Variants in BCL3 observed in about 807,000 individuals in gnomAD.
BCL3 encodes BCL3 transcription coactivator.
A neutral mutation model predicts 35.7 loss-of-function variants in BCL3; 15 were observed. That is an observed-to-expected ratio of 0.42 (90% CI 0.28 to 0.65). The LOEUF (loss-of-function observed/expected upper bound fraction) is 0.65, where lower values mean the gene tolerates loss of function less well. Ranked by LOEUF, BCL3 falls within the 30% of genes least tolerant of loss-of-function variation. The pLI, the probability that BCL3 is intolerant of heterozygous loss-of-function variation, is 0.22. For missense variants in BCL3, 565 were observed against 641.7 expected, an observed-to-expected ratio of 0.88 and a Z score of 1.29; for synonymous variants, 311 against 284.3, an observed-to-expected ratio of 1.09 and a Z score of -0.95.
At position 44,756,332 on chromosome 19, in the gene BCL3, C is replaced by A; in HGVS notation, c.511C>A (p.Leu171Ile). 2 of 1,509,836 alleles carry A rather than the reference C, an allele frequency of 1.3e-6. No homozygotes were observed. The highest frequency in any genetic ancestry group is 1.8e-6 in the Non-Finnish European group (2 of 1,123,182). The allele number at this position is 1,509,836 out of a possible 1,614,324, so 93.5% of individuals were successfully genotyped here. The change falls in exon 3 of 9, where the codon CTA (leucine) becomes ATA (isoleucine). Residue 171 changes from leucine (L) to isoleucine (I), a missense_variant. By Grantham distance (5) the Leu-to-Ile change is conservative. This residue lies in a region of BCL3 where 267 missense variants were observed against 281.5 expected (regional missense o/e 0.95). Coordinates refer to ENST00000164227, the MANE Select transcript of BCL3 (RefSeq NM_005178.5). ...GGRELDIYNN[L>I]RQTPLHLAVI... ...CCGGGAGCTCGACATCTACAACAACCTACGGCAGGTGAGGCTCGGTCTGAG... is the reference window on the plus strand; with the variant it reads ...CCGGGAGCTCGACATCTACAACAACATACGGCAGGTGAGGCTCGGTCTGAG...
chr19:44,748,005 A>G (rs1599835132), upstream of BCL3: 1 of 1,287,726 alleles, frequency 7.8e-7, no homozygotes, highest in South Asian at 1.3e-5. Flanking sequence ...GGAAGAGGGG[A>G]GGGAGAGGAA....
Position 44,757,065 on chromosome 19 carries a change from C to T in BCL3, c.568C>T (p.Leu190Phe). 2 of 1,611,038 alleles carry T rather than the reference C, an allele frequency of 1.2e-6. No homozygotes were observed. Among genetic ancestry groups the T allele is most frequent in the East Asian group, 2.2e-5 (1 of 44,722 alleles). The change falls in exon 4 of 9, where the codon CTC becomes TTC. Residue 190 changes from leucine to phenylalanine, a missense_variant. Transcript: ENST00000164227. The surrounding 1 kb of genome is among the most constrained non-coding windows in gnomAD (Gnocchi z 8.4). ...CACCACATTACCGTCTGTGGTCCGG[C>T]TCCTGGTGACAGCTGGTGCCAGCCC... The part of the protein sequence containing the change: ...VITTLPSVVR[L>F]LVTAGASPMA...
At chr19:44,750,465 A>C (rs561236333) in intron 1 of BCL3, among the ~76,000 whole-genome samples, 5 of 151,914 alleles carry the variant, frequency 3.3e-5, no homozygotes, top group Non-Finnish European at 7.4e-5. Flanking sequence ...CACCTGGCTA[A>C]TTTTTGTATT....
Position 44,751,235 on chromosome 19 carries a change from C to T in BCL3, c.265C>T (p.Leu89=). The T allele has an allele frequency of 6.2e-7, 1 of 1,610,262 alleles. No individual in the cohort carries two copies. The highest frequency in any genetic ancestry group is 8.5e-7 in the Non-Finnish European group (1 of 1,178,488). Residue 89 remains leucine, a synonymous_variant, in exon 2 of 9, where the codon CTG becomes TTG. Coordinates refer to ENST00000164227, the MANE Select transcript of BCL3 (RefSeq NM_005178.5). ...TGTCCTCCATTGTCCAGGAGCCTTA[C>T]TGCCTTTGTACCCCACTCGGGCCAT... The part of the protein sequence containing the change: ...PEALYYPGAL[L]PLYPTRAMGS...
chr19:44,758,979 T>G, intron 8 of BCL3, 138 bp downstream of exon 8: 5 of 602,226 alleles, frequency 8.3e-6, no homozygotes, highest in Non-Finnish European at 1.3e-5. Flanking sequence ...TCCCAACCCA[T>G]AGCCCCTCCT....
chr19:44,755,990 G>A (rs1967272299), intron 2 of BCL3, among the ~76,000 whole-genome samples: 1 of 152,200 alleles, frequency 6.6e-6, no homozygotes, highest in Non-Finnish European at 1.5e-5. Flanking sequence ...TAGAGCATAG[G>A]TGGAAGCAGA....
At chr19:44,752,987 T>C (rs1333017855) in intron 2 of BCL3, among the ~76,000 whole-genome samples, 2 of 152,216 alleles carry the variant, frequency 1.3e-5, no homozygotes, top group Non-Finnish European at 2.9e-5. Context: ...AGTGATTTCA[T>C]GTCCCTGAGT....
chr19:44,750,317 AG>A (rs944617672), intron 1 of BCL3, among the ~76,000 whole-genome samples: 1 of 151,660 alleles, frequency 6.6e-6, no homozygotes, highest in African/African-American at 2.4e-5. Flanking sequence ...TTTTTGAGAC[AG>A]AGTTTTGTTT....
chr19:44,757,470 T>TTG lies in BCL3; in HGVS notation c.813+55_813+56insTG. The TTG allele has an allele frequency of 1.5e-5, 4 of 267,764 alleles. No individual in the cohort carries two copies. The highest frequency in any genetic ancestry group is 2.4e-5 in the Non-Finnish European group (4 of 169,208). 16.6% of individuals were successfully genotyped at this position (267,764 alleles called of 1,614,324 possible). A position where few individuals can be genotyped will look rare whatever the true frequency, so the allele number is the denominator to read the frequency against. On this transcript the variant is annotated intron_variant, in intron 5 of 8. Coordinates refer to ENST00000164227, the MANE Select transcript of BCL3 (RefSeq NM_005178.5). This position sits in a 1 kb window ranked among gnomAD's most constrained non-coding sequence, Gnocchi z 8.4. ...CGGGGCCTTAGCAGGGGCGGGGTCT[T>TTG]GGCGGGGGCGGGGCCAGTGTGGGGC...
chr19:44,757,684 G>A lies in BCL3; in HGVS notation c.852G>A (p.Val284=). 2 of 1,613,886 alleles carry A rather than the reference G, an allele frequency of 1.2e-6. No individual in the cohort carries two copies. The highest frequency in any genetic ancestry group is 8.5e-7 in the Non-Finnish European group (1 of 1,179,914). ...KSGRSPLIHA[V]ENNSLSMVQL... ...GCCGCTCCCCGCTCATCCACGCCGTGGAAAACAACAGCCTTAGCATGGTGC... is the reference window on the plus strand; with the variant it reads ...GCCGCTCCCCGCTCATCCACGCCGTAGAAAACAACAGCCTTAGCATGGTGC... The change falls in exon 6 of 9, where the codon GTG becomes GTA. Residue 284 remains valine, a synonymous_variant. Transcript: ENST00000164227. This position sits in a 1 kb window ranked among gnomAD's most constrained non-coding sequence, Gnocchi z 8.4.
chr19:44,758,317 C>T lies in BCL3; in HGVS notation c.963C>T (p.Leu321=), dbSNP rs1223706136. The change falls in exon 7 of 9, where the codon CTC becomes CTT. Residue 321 remains leucine (L), a synonymous_variant. Coordinates refer to ENST00000164227, the MANE Select transcript of BCL3 (RefSeq NM_005178.5). The stretch of plus-strand genomic sequence containing the variant: ...TGCACTCAGCGTCCGGCCGCGGGCT[C>T]CTCCCGCTGGTGCGCACGCTGGTCC... ...SALHSASGRG[L]LPLVRTLVRS... 1 of 1,574,052 alleles carries T rather than the reference C, an allele frequency of 6.4e-7. No homozygotes were observed. Among genetic ancestry groups the T allele is most frequent in the Non-Finnish European group, 8.6e-7 (1 of 1,168,292 alleles).
At chr19:44,756,414 AACTCCTGG>A (rs1967282956) in intron 3 of BCL3, 74 bp downstream of exon 3, 1 of 1,076,106 alleles carries the variant, frequency 9.3e-7, no homozygotes, top group African/African-American at 1.9e-5. Flanking sequence ...TGGGGGCCTG[AACTCCTGG>A]GTCTGAGGGA....
intron 3 of BCL3, 151 bp from the exon 4 acceptor site, chr19:44,756,866 G>A: frequency 2.8e-6 from 2 of 726,278 alleles, no homozygotes; most frequent in South Asian, 2.0e-5. Context: ...GGAGCATGGG[G>A]CCCGGACTCT....
chr19:44,758,326 G>T lies in BCL3; in HGVS notation c.972G>T (p.Leu324=). 6.4e-7 allele frequency: 1 copy of T among 1,573,356 alleles called. No homozygotes were observed. Among genetic ancestry groups the T allele is most frequent in the Non-Finnish European group, 8.6e-7 (1 of 1,166,904 alleles). Reference sequence around the variant, plus strand: ...CGTCCGGCCGCGGGCTCCTCCCGCTGGTGCGCACGCTGGTCCGCAGCGGCG... The same window carrying T: ...CGTCCGGCCGCGGGCTCCTCCCGCTTGTGCGCACGCTGGTCCGCAGCGGCG... ...HSASGRGLLP[L]VRTLVRSGAD... is the part of the protein sequence containing the mutation. The change falls in exon 7 of 9, where the codon CTG becomes CTT. Residue 324 remains leucine (L), a synonymous_variant. Transcript: ENST00000164227.
In BCL3 at chr19:44,748,982, C is replaced by G; in HGVS notation, c.192C>G (p.Cys64Trp). ...VVPLDPLRGG[C>W]DLPAVPGPPH... ...CCCTGGACCCTCTGCGCGGCGGCTG[C>G]GACCTGCCGGCGGTCCCCGGGCCCC... is the stretch of plus-strand genomic sequence containing the variant. Residue 64 changes from cysteine to tryptophan, a missense_variant, in exon 1 of 9, where the codon TGC becomes TGG. Cys to Trp is a radical substitution (Grantham distance 215). Coordinates refer to ENST00000164227, the MANE Select transcript of BCL3 (RefSeq NM_005178.5). The G allele has an allele frequency of 1.4e-6, 2 of 1,380,412 alleles. No individual in the cohort carries two copies. The highest frequency in any genetic ancestry group is 9.4e-7 in the Non-Finnish European group (1 of 1,064,902). The allele number at this position is 1,380,412 out of a possible 1,614,324, so 85.5% of individuals were successfully genotyped here.
Position 44,757,714 on chromosome 19 carries a change from G to T in BCL3, c.882G>T (p.Leu294=), listed in dbSNP as rs35211322. 15,006 of 1,613,798 alleles carry T rather than the reference G, an allele frequency of 9.3e-3. 82 individuals carry two copies. The highest frequency in any genetic ancestry group is 0.01 in the Non-Finnish European group (11,919 of 1,179,860). ...ACAACAGCCTTAGCATGGTGCAGCT[G>T]CTGCTGCAGGTGCGTACAGCCCCCC... is the stretch of plus-strand genomic sequence containing the variant. ...VENNSLSMVQ[L]LLQHGANVNA... The change falls in exon 6 of 9, where the codon CTG becomes CTT. Residue 294 remains leucine (L), a synonymous_variant. Coordinates refer to ENST00000164227, the MANE Select transcript of BCL3 (RefSeq NM_005178.5). The surrounding 1 kb of genome is among the most constrained non-coding windows in gnomAD (Gnocchi z 8.4).
chr19:44,758,620 C>T, intron 7 of BCL3, 104 bp from the exon 8 acceptor site: 2 of 1,272,188 alleles, frequency 1.6e-6, no homozygotes, highest in Non-Finnish European at 2.2e-6. Context: ...TCTTTTCATA[C>T]TGAGAAGTGG....
chr19:44,757,150 C>T lies in BCL3; in HGVS notation c.653C>T (p.Pro218Leu), dbSNP rs957362834. 2 of 1,589,496 alleles carry T rather than the reference C, an allele frequency of 1.3e-6. No homozygotes were observed. The highest frequency in any genetic ancestry group is 1.8e-5 in the Admixed American group (1 of 56,730). Residue 218 changes from proline to leucine, a missense_variant, in exon 4 of 9, where the codon CCG becomes CTG. Pro to Leu is a moderately conservative substitution (Grantham distance 98). Coordinates refer to ENST00000164227, the MANE Select transcript of BCL3 (RefSeq NM_005178.5). The surrounding 1 kb of genome is among the most constrained non-coding windows in gnomAD (Gnocchi z 8.4). Reference protein sequence around the residue: ...AAHLACEHRSPTCLRALLDSA... With the variant: ...AAHLACEHRSLTCLRALLDSA... ...CACCTGGCGTGCGAGCACCGCAGCC[C>T]GACCTGCCTGCGAGCCCTGCTGGAC... is the stretch of plus-strand genomic sequence containing the variant.
Position 44,758,808 on chromosome 19 carries a change from T to A in BCL3, c.1144T>A (p.Ser382Thr), listed in dbSNP as rs769496556. ...CTCCCCTGACCGGAGCGCCAACACC[T>A]CCCCCGAGAGCAGCAGCCGCCTCAG... ...DPSPDRSANTSPESSSRLSSN... is the reference protein window; with the variant it reads ...DPSPDRSANTTPESSSRLSSN... The change falls in exon 8 of 9, where the codon TCC (serine) becomes ACC (threonine). Residue 382 changes from serine (S) to threonine (T), a missense_variant. Physicochemically the swap from Ser to Thr is moderately conservative, Grantham distance 58. Coordinates refer to ENST00000164227, the MANE Select transcript of BCL3 (RefSeq NM_005178.5). The A allele has an allele frequency of 1.2e-6, 2 of 1,600,958 alleles. No individual in the cohort carries two copies. The highest frequency in any genetic ancestry group is 2.2e-5 in the South Asian group (2 of 89,428).
Sources: allele counts gnomAD v4.1 joint callset (sites outside exome capture counted in the v4.1 genomes callset), GRCh38; gene constraint gnomAD v4.1.1; regional missense constraint gnomAD v4.1.1; non-coding constraint Gnocchi (gnomAD v3.1); transcripts MANE v1.5; gene names NCBI Gene and HGNC (gene_info 2026-07-23, HGNC 2026-07-21).